TBC1D15: variants seen among roughly 807,000 people sequenced by gnomAD.
The protein encoded by TBC1D15 is GAP for RAB7.
In TBC1D15, 39 loss-of-function variants were observed where a neutral mutation model predicts 95.4. That is an observed-to-expected ratio of 0.41 (90% CI 0.32 to 0.53). The LOEUF (loss-of-function observed/expected upper bound fraction) is 0.53. TBC1D15 is among the 20% of genes least tolerant of loss of function. TBC1D15 has a pLI of 0.29. For synonymous variants in TBC1D15, 258 were observed against 261.3 expected, an observed-to-expected ratio of 0.99 and a Z score of 0.12; for missense variants, 733 against 794.3, an observed-to-expected ratio of 0.92 and a Z score of 0.93.
chr12:71,881,788 A>G (rs1026844407), intron 4 of TBC1D15, among the ~76,000 whole-genome samples: 4 of 151,906 alleles, frequency 2.6e-5, no homozygotes, highest in African/African-American at 9.7e-5. Context: ...GTGGTGGCGC[A>G]TGCCTGTAAG....
In TBC1D15 at chr12:71,871,585, T is replaced by G. The variant is rs1046215401; in HGVS notation, c.31-485T>G. On this transcript the variant is annotated intron_variant, in intron 1 of 16. Coordinates refer to ENST00000485960, the MANE Select transcript of TBC1D15 (RefSeq NM_001146213.3). The stretch of plus-strand genomic sequence containing the variant: ...TGCTCATGAAAAAAAAATACTTATT[T>G]TTTTGATTTTTTATAGAGATGAGTT... Among the ~76,000 whole-genome samples the G allele has an allele frequency of 3.9e-5, 6 of 152,354 alleles. 1 individual carries two copies. In the South Asian group the frequency reaches 8.3e-4, roughly 21 times the overall value.
chr12:71,912,185 TTCCA>T (rs2138990868), intron 11 of TBC1D15, among the ~76,000 whole-genome samples: 1 of 152,298 alleles, frequency 6.6e-6, no homozygotes, highest in South Asian at 2.1e-4. Flanking sequence ...CAATTTAGTC[TTCCA>T]TCTATCTTAT....
intron 1 of TBC1D15, among the ~76,000 whole-genome samples, chr12:71,864,170 A>G (rs1271756636): frequency 6.6e-6 from 1 of 151,908 alleles, no homozygotes; most frequent in Non-Finnish European, 1.5e-5. Context: ...CCTGGGTTCA[A>G]GCGATTTTCC....
chr12:71,911,847 T>C, intron 11 of TBC1D15, among the ~76,000 whole-genome samples: 1 of 152,032 alleles, frequency 6.6e-6, no homozygotes, highest in East Asian at 1.9e-4. Flanking sequence ...ATTTGACAAC[T>C]TGCTTCAGCT....
intron 11 of TBC1D15, among the ~76,000 whole-genome samples, chr12:71,910,579 T>A (rs569523602): frequency 6.6e-6 from 1 of 152,048 alleles, no homozygotes; most frequent in African/African-American, 2.4e-5. Flanking sequence ...GTCCTTCACA[T>A]CCCTTGTAAG....
Position 71,896,722 on chromosome 12 carries a change from G to C in TBC1D15, c.1030G>C (p.Gly344Arg). The C allele has an allele frequency of 6.2e-7, 1 of 1,612,562 alleles. No homozygotes were observed. Among genetic ancestry groups the C allele is most frequent in the Non-Finnish European group, 8.5e-7 (1 of 1,179,202 alleles). The stretch of plus-strand genomic sequence containing the variant: ...AAAGCAAGCATGGAAATTTCTTCTG[G>C]GTTATTTTCCCTGGGACAGTACCAA... ...LRKQAWKFLL[G>R]YFPWDSTKEE... Residue 344 changes from glycine (G) to arginine (R), a missense_variant, in exon 9 of 17, where the codon GGT becomes CGT. Coordinates refer to ENST00000485960, the MANE Select transcript of TBC1D15 (RefSeq NM_001146213.3).
chr12:71,842,789 C>T (rs61924141), intron 1 of TBC1D15, among the ~76,000 whole-genome samples: 13,548 of 144,764 alleles, frequency 0.094, 681 homozygotes, highest in South Asian at 0.15. Flanking sequence ...TATGATGGTG[C>T]TACTGCACTC....
At chr12:71,890,434 T>C (rs1897007620) in intron 5 of TBC1D15, among the ~76,000 whole-genome samples, 2 of 151,144 alleles carry the variant, frequency 1.3e-5, no homozygotes, top group South Asian at 4.1e-4. Context: ...TTAGATCAGA[T>C]AACTTTTTTT....
At chr12:71,904,514 A>G (rs951318396) in intron 10 of TBC1D15, among the ~76,000 whole-genome samples, 2 of 152,214 alleles carry the variant, frequency 1.3e-5, no homozygotes, top group African/African-American at 2.4e-5. Context: ...ATGGTACAGT[A>G]GAAAGGAAAA....
chr12:71,915,890 G>A (rs188597604), intron 12 of TBC1D15, among the ~76,000 whole-genome samples: 210 of 152,232 alleles, frequency 1.4e-3, no homozygotes, highest in Non-Finnish European at 2.4e-3. Flanking sequence ...CATTGCCCTT[G>A]TTTGATGTCC....
chr12:71,919,904 TA>T (rs907201856), intron 14 of TBC1D15, among the ~76,000 whole-genome samples: 1 of 152,252 alleles, frequency 6.6e-6, no homozygotes, highest in African/African-American at 2.4e-5. Context: ...CTGTGTTTAC[TA>T]AATAAATTCA....
intron 12 of TBC1D15, among the ~76,000 whole-genome samples, chr12:71,915,517 A>G (rs1202811024): frequency 6.6e-6 from 1 of 151,992 alleles, no homozygotes; most frequent in Non-Finnish European, 1.5e-5. Context: ...AGTTTTCAAT[A>G]AAACTAATCC....
At chr12:71,906,965 T>C in intron 10 of TBC1D15, 57 bp from the exon 11 acceptor site, 2 of 1,124,990 alleles carry the variant, frequency 1.8e-6, no homozygotes, top group South Asian at 3.1e-5. Flanking sequence ...AGATGTGAGC[T>C]TTATCACAAT....
intron 1 of TBC1D15, among the ~76,000 whole-genome samples, chr12:71,855,667 CAAAAAAAAAAAAA>C (rs1161851924): frequency 2.4e-5 from 1 of 41,358 alleles, no homozygotes. Context: ...GACTCCATCT[CAAAAAAAAAAAAA>C]AAAAAAAAAA....
chr12:71,862,509 T>C (rs1346523175), intron 1 of TBC1D15, among the ~76,000 whole-genome samples: 1 of 152,228 alleles, frequency 6.6e-6, no homozygotes, highest in African/African-American at 2.4e-5. Flanking sequence ...GCTGCTCTCT[T>C]GGTTTCAGTC....
chr12:71,923,173 C>T lies in TBC1D15; in HGVS notation c.1994C>T (p.Ser665Phe), dbSNP rs867336482. The T allele has an allele frequency of 6.2e-7, 1 of 1,614,090 alleles. No homozygotes were observed. Among genetic ancestry groups the T allele is most frequent in the Non-Finnish European group, 8.5e-7 (1 of 1,180,052 alleles). ...RNDSPTQIPV[S>F]SDVCRLTPA ...GACAGCCCAACACAGATACCAGTGT[C>T]CTCAGATGTCTGCAGATTAACACCT... Residue 665 changes from serine to phenylalanine, a missense_variant, in exon 17 of 17, where the codon TCC (serine) becomes TTC (phenylalanine). Coordinates refer to ENST00000485960, the MANE Select transcript of TBC1D15 (RefSeq NM_001146213.3).
At chr12:71,854,484 G>T (rs565214237) in intron 1 of TBC1D15, 17 of 451,388 alleles carry the variant, frequency 3.8e-5, no homozygotes, top group South Asian at 1.4e-4. Context: ...TCTTAAGATG[G>T]TTTTTTCTCC....
At chr12:71,851,823 G>A (rs1887897944) in intron 1 of TBC1D15, among the ~76,000 whole-genome samples, 1 of 152,198 alleles carries the variant, frequency 6.6e-6, no homozygotes, top group Admixed American at 6.5e-5. Flanking sequence ...AGCCCCTGTG[G>A]CTGCTCTCAA....
At chr12:71,920,077 T>C (rs1244556745) in intron 14 of TBC1D15, among the ~76,000 whole-genome samples, 1 of 152,170 alleles carries the variant, frequency 6.6e-6, no homozygotes, top group African/African-American at 2.4e-5. Flanking sequence ...TTTATCTTTG[T>C]GGAAAATATA....
Sources: gnomAD v4.1 joint callset for allele counts (sites outside exome capture counted in the v4.1 genomes callset) on GRCh38, gnomAD v4.1.1 for gene constraint, MANE v1.5 for transcripts, NCBI Gene and HGNC (gene_info 2026-07-23, HGNC 2026-07-21) for gene names.